NRG3: variants seen among roughly 807,000 people sequenced by gnomAD.
NRG3 encodes the protein pro-neuregulin-3, membrane-bound isoform.
NRG3 carries 31 observed loss-of-function variants against 66.9 expected under a neutral mutation model. The ratio of observed to expected loss-of-function variants is 0.46; its 90% CI spans 0.35 to 0.63. The LOEUF (loss-of-function observed/expected upper bound fraction) is 0.63, where lower values mean the gene tolerates loss of function less well. Ranked by LOEUF, NRG3 falls within the 20% of genes least tolerant of loss-of-function variation. The pLI is 0.00. For missense variants in NRG3, 910 were observed against 878.9 expected, an observed-to-expected ratio of 1.04 and a Z score of -0.45; for synonymous variants, 393 against 359.4, an observed-to-expected ratio of 1.09 and a Z score of -1.06.
chr10:82,203,626 A>G (rs893336363), intron 1 of NRG3, among the ~76,000 whole-genome samples: 3 of 152,156 alleles, frequency 2.0e-5, no homozygotes, highest in African/African-American at 2.4e-5. Flanking sequence ...ATCATAAGAC[A>G]TATAAAATTA....
intron 2 of NRG3, among the ~76,000 whole-genome samples, chr10:82,711,069 G>T (rs755902157): frequency 6.6e-6 from 1 of 152,008 alleles, no homozygotes; most frequent in African/African-American, 2.4e-5. Flanking sequence ...ATTTTGCTCA[G>T]CAGATTGATT....
chr10:82,193,573 C>A (rs189839613), intron 1 of NRG3, among the ~76,000 whole-genome samples: 1 of 152,200 alleles, frequency 6.6e-6, no homozygotes, highest in East Asian at 1.9e-4. Context: ...GTTGCTAGAC[C>A]TAGGATAGTT....
At chr10:82,420,813 A>G (rs1451577599) in intron 2 of NRG3, among the ~76,000 whole-genome samples, 4 of 152,210 alleles carry the variant, frequency 2.6e-5, no homozygotes, top group Non-Finnish European at 4.4e-5. Flanking sequence ...TATATGCATA[A>G]AATGGACAAT....
intron 1 of NRG3, among the ~76,000 whole-genome samples, chr10:82,308,072 G>T (rs924973643): frequency 2.6e-5 from 4 of 151,780 alleles, no homozygotes; most frequent in African/African-American, 9.7e-5. Flanking sequence ...TAGTTTGAGG[G>T]CTACTTCCTC....
intron 1 of NRG3, among the ~76,000 whole-genome samples, chr10:82,034,599 T>C (rs2062712521): frequency 6.6e-6 from 1 of 152,126 alleles, no homozygotes; most frequent in African/African-American, 2.4e-5. Context: ...AGACAATGAA[T>C]GCAACTGACT....
rs139210186 is a variant in NRG3 at position 82,193,246 on chromosome 10, G to T, written c.824-165493G>T. Reference sequence around the variant, plus strand: ...CAACCTCTGTCTCCTGGGTTCAAGCGATTCTCCTCCCTCAGCCTCCTGAAG... The same window carrying T: ...CAACCTCTGTCTCCTGGGTTCAAGCTATTCTCCTCCCTCAGCCTCCTGAAG... On this transcript the variant is annotated intron_variant, in intron 1 of 8. Transcript: ENST00000372141. Among the ~76,000 whole-genome samples the T allele has an allele frequency of 1.4e-3, 219 of 152,210 alleles. 1 individual carries two copies. The highest frequency in any genetic ancestry group is 4.8e-3 in the African/African-American group (200 of 41,554).
In NRG3 at chr10:82,358,012, A is replaced by C. The variant is rs562189537; in HGVS notation, c.824-727A>C. Among the ~76,000 whole-genome samples the C allele has an allele frequency of 5.9e-5, 9 of 152,340 alleles. No homozygotes were observed. The South Asian group carries it at 8.3e-4, about 14-fold the overall frequency. ...CATGTGGTAATAGAGTCTGTATCTT[A>C]TAGATAGCACTTATTTATTGTTATT... is the stretch of plus-strand genomic sequence containing the variant. On this transcript the variant is annotated intron_variant, in intron 1 of 8. Transcript: ENST00000372141.
At chr10:81,989,314 T>TAGTTAG (rs910672953) in intron 1 of NRG3, among the ~76,000 whole-genome samples, 7 of 152,058 alleles carry the variant, frequency 4.6e-5, no homozygotes, top group Admixed American at 3.3e-4. Context: ...AGTCTATAGA[T>TAGTTAG]AGTTAGAGTT....
intron 2 of NRG3, among the ~76,000 whole-genome samples, chr10:82,634,186 G>A (rs1387363600): frequency 6.6e-6 from 1 of 152,138 alleles, no homozygotes; most frequent in Non-Finnish European, 1.5e-5. Flanking sequence ...CCATGTTCAA[G>A]GTAAAAGTGG....
intron 2 of NRG3, among the ~76,000 whole-genome samples, chr10:82,617,148 C>G (rs1388755564): frequency 6.6e-6 from 1 of 151,716 alleles, no homozygotes; most frequent in Non-Finnish European, 1.5e-5. Flanking sequence ...CACACACACA[C>G]CACTCACACA....
chr10:81,929,096 G>A (rs2132962325), intron 1 of NRG3, among the ~76,000 whole-genome samples: 1 of 152,160 alleles, frequency 6.6e-6, no homozygotes, highest in Non-Finnish European at 1.5e-5. Context: ...CAAAGTGTTG[G>A]GATTACAGGT....
rs76977686 is a variant in NRG3, at chr10:82,420,552, A to G, written c.953+61684A>G. On this transcript the variant is annotated intron_variant, in intron 2 of 8. Coordinates refer to ENST00000372141, the MANE Select transcript of NRG3 (RefSeq NM_001010848.4). ...GTATCTTTTCCTCCCAGAATACTGTAGCTTTGTCTGCTCAAATCCAAATTA... is the reference window on the plus strand; with the variant it reads ...GTATCTTTTCCTCCCAGAATACTGTGGCTTTGTCTGCTCAAATCCAAATTA... Among the ~76,000 whole-genome samples, 70 of 152,256 alleles carry G rather than the reference A, an allele frequency of 4.6e-4. 2 individuals carry two copies. In the East Asian group the frequency reaches 0.013, roughly 29 times the overall value.
intron 6 of NRG3, among the ~76,000 whole-genome samples, chr10:82,969,881 A>G (rs1261809675): frequency 6.6e-6 from 1 of 152,238 alleles, no homozygotes; most frequent in Non-Finnish European, 1.5e-5. Flanking sequence ...ATATATAAAC[A>G]CCAGGCTAAT....
At chr10:82,780,734 A>G (rs371311551) in intron 3 of NRG3, among the ~76,000 whole-genome samples, 6 of 152,014 alleles carry the variant, frequency 3.9e-5, no homozygotes, top group African/African-American at 1.4e-4. Context: ...GCCTGATTCT[A>G]TTAGGTCTTT....
intron 1 of NRG3, among the ~76,000 whole-genome samples, chr10:81,983,364 C>G (rs569749105): frequency 6.6e-6 from 1 of 152,196 alleles, no homozygotes; most frequent in South Asian, 2.1e-4. Flanking sequence ...CAGCACACCC[C>G]TCTTTATCTT....
rs1360279468 is a variant in NRG3, at chr10:82,985,494, T to C, written c.1980T>C (p.Ser660=). 1.9e-6 allele frequency: 3 copies of C among 1,614,050 alleles called. No homozygotes were observed. Among genetic ancestry groups the C allele is most frequent in the Non-Finnish European group, 2.5e-6 (3 of 1,180,002 alleles). ...YELASVETED[S]ASENTAFLPL... ...TGGCCAGCGTAGAAACCGAGGACAG[T>C]GCAAGCGAAAACACAGCCTTTCTCC... is the stretch of plus-strand genomic sequence containing the variant. The change falls in exon 9 of 9, where the codon AGT becomes AGC. Residue 660 remains serine (S), a synonymous_variant. Coordinates refer to ENST00000372141, the MANE Select transcript of NRG3 (RefSeq NM_001010848.4).
At chr10:82,529,373 G>A (rs1159584105) in intron 2 of NRG3, among the ~76,000 whole-genome samples, 1 of 152,134 alleles carries the variant, frequency 6.6e-6, no homozygotes, top group African/African-American at 2.4e-5. Flanking sequence ...GTAATACATG[G>A]GGCATTACTG....
At chr10:82,611,185 T>TTATCCTTAGA (rs1407771517) in intron 2 of NRG3, among the ~76,000 whole-genome samples, 2 of 152,102 alleles carry the variant, frequency 1.3e-5, no homozygotes, top group Non-Finnish European at 2.9e-5. Flanking sequence ...AAGTAGTTAT[T>TTATCCTTAGA]TATCCTTAGA....
chr10:82,810,515 C>A (rs2061446688), intron 3 of NRG3, among the ~76,000 whole-genome samples: 1 of 152,088 alleles, frequency 6.6e-6, no homozygotes, highest in Non-Finnish European at 1.5e-5. Flanking sequence ...GTAATCCCAG[C>A]ACTTTGGGAG....
Sources: gnomAD v4.1 joint callset for allele counts (sites outside exome capture counted in the v4.1 genomes callset) on GRCh38, gnomAD v4.1.1 for gene constraint, MANE v1.5 for transcripts, NCBI Gene and HGNC (gene_info 2026-07-23, HGNC 2026-07-21) for gene names.